RTL9: variants seen among roughly 807,000 people sequenced by gnomAD.
RTL9 encodes the protein retrotransposon Gag-like protein 9.
In RTL9, 19 loss-of-function variants were observed where a neutral mutation model predicts 44.7. That is an observed-to-expected ratio of 0.42 (90% confidence interval 0.30 to 0.62). The LOEUF (loss-of-function observed/expected upper bound fraction) is 0.62. RTL9 is among the 20% of genes least tolerant of loss of function. The pLI, the probability that RTL9 is intolerant of heterozygous loss-of-function variation, is 0.16. For synonymous variants in RTL9, 407 were observed against 398.9 expected, an observed-to-expected ratio of 1.02 and a Z score of -0.24; for missense variants, 1,105 against 1,080.6, an observed-to-expected ratio of 1.02 and a Z score of -0.32.
intron 1 of RTL9, among the ~76,000 whole-genome samples, chrX:110,359,234 C>T (rs1248253036): frequency 9.0e-6 from 1 of 110,859 alleles, no homozygotes; most frequent in Non-Finnish European, 1.9e-5. Context: ...CTGTGTTTAT[C>T]ATCCTTTCTC....
intron 1 of RTL9, among the ~76,000 whole-genome samples, chrX:110,389,249 A>G (rs1000887956): frequency 1.8e-5 from 2 of 113,071 alleles, no homozygotes; most frequent in Admixed American, 1.9e-4. Context: ...CAGAATATTC[A>G]GAATTAGTTG....
chrX:110,379,897 A>G (rs748181784), intron 1 of RTL9, among the ~76,000 whole-genome samples: 2 of 111,551 alleles, frequency 1.8e-5, no homozygotes, highest in Non-Finnish European at 3.8e-5. Flanking sequence ...AGATGTATCT[A>G]TATATATCAT....
chrX:110,419,026 T>C (rs2068698797), upstream of RTL9: 1 of 111,170 alleles, frequency 9.0e-6, no homozygotes, highest in African/African-American at 3.3e-5. Flanking sequence ...TGATTCCTAG[T>C]TGTGGTGGGA....
At chrX:110,424,466 T>G (rs1247021933) in intron 1 of RTL9, among the ~76,000 whole-genome samples, 3 of 111,658 alleles carry the variant, frequency 2.7e-5, no homozygotes, top group Admixed American at 9.5e-5. Flanking sequence ...GCACCCATTC[T>G]ACTTTTCTGC....
intron 1 of RTL9, among the ~76,000 whole-genome samples, chrX:110,412,467 G>T (rs1288903169): frequency 8.9e-6 from 1 of 112,109 alleles, no homozygotes; most frequent in Non-Finnish European, 1.9e-5. Flanking sequence ...GACTGCCTAG[G>T]TTTGACTTCC....
intron 1 of RTL9, among the ~76,000 whole-genome samples, chrX:110,385,399 A>C (rs1311865527): frequency 9.0e-6 from 1 of 111,515 alleles, no homozygotes; most frequent in Non-Finnish European, 1.9e-5. Context: ...TGTACAGTTC[A>C]GTCATTTTTA....
intron 1 of RTL9, among the ~76,000 whole-genome samples, chrX:110,442,247 C>CTCTCTGTGTG (rs1556214261): frequency 4.0e-4 from 39 of 97,040 alleles, no homozygotes; most frequent in African/African-American, 1.5e-3. Flanking sequence ...CTCTCTCTCT[C>CTCTCTGTGTG]TGTGTGTGTG....
chrX:110,450,180 C>T (rs1455683500), upstream of RTL9, among the ~76,000 whole-genome samples: 2 of 111,290 alleles, frequency 1.8e-5, no homozygotes, highest in Admixed American at 9.5e-5. Flanking sequence ...CCCATTCAGG[C>T]TTGCCAGTAC....
intron 1 of RTL9, among the ~76,000 whole-genome samples, chrX:110,444,366 A>G (rs1414126002): frequency 8.9e-6 from 1 of 112,551 alleles, no homozygotes; most frequent in Non-Finnish European, 1.9e-5. Flanking sequence ...TTTTACAGGT[A>G]TATGATCTTA....
chrX:110,452,568 G>A, exon 1 of RTL9: 1 of 1,211,737 alleles, frequency 8.3e-7, no homozygotes, highest in Non-Finnish European at 1.1e-6. Context: ...CACAGTTTCT[G>A]GAGCTCTGTC....
intron 1 of RTL9, among the ~76,000 whole-genome samples, chrX:110,395,370 C>T (rs1445483617): frequency 8.9e-6 from 1 of 112,182 alleles, no homozygotes; most frequent in East Asian, 2.8e-4. Context: ...AGAGGCTAGA[C>T]TGTTTCCTCT....
intron 1 of RTL9, among the ~76,000 whole-genome samples, chrX:110,377,518 C>G (rs1056255023): frequency 2.7e-5 from 3 of 111,870 alleles, no homozygotes; most frequent in Non-Finnish European, 5.6e-5. Context: ...TATTAATTAA[C>G]TTGTAAAAGG....
intron 1 of RTL9, among the ~76,000 whole-genome samples, chrX:110,439,523 C>A (rs941271197): frequency 2.7e-5 from 3 of 112,083 alleles, no homozygotes; most frequent in Non-Finnish European, 5.6e-5. Flanking sequence ...GCTGTGCTCA[C>A]AATAATAGCT....
rs1043249584 is a variant in RTL9 at position 110,405,090 on chromosome X, C to T, written c.-167-40063C>T. Among the ~76,000 whole-genome samples the T allele has an allele frequency of 1.0e-4, 6 of 60,266 alleles. 1 individual carries two copies. In the African/African-American group the frequency reaches 1.0e-3, roughly 10 times the overall value. The allele number at this position is 60,266 out of a possible 115,157, so 52.3% of individuals were successfully genotyped here. A position where few individuals can be genotyped will look rare whatever the true frequency, so the allele number is the denominator to read the frequency against. On this transcript the variant is annotated intron_variant, in intron 1 of 2. Transcript: ENST00000520821. ...TATATTCAGGTGTGCTTGTTGTGTC[C>T]CCCCCCCCCCCAAGCATGAGTCAGA...
exon 1 of RTL9, chrX:110,452,328 A>C (rs769334584): frequency 3.3e-6 from 4 of 1,210,598 alleles, no homozygotes. Flanking sequence ...GAAAGCCATG[A>C]CTTCTGGAGC....
intron 1 of RTL9, among the ~76,000 whole-genome samples, chrX:110,370,804 C>T (rs1270392776): frequency 8.9e-6 from 1 of 112,012 alleles, no homozygotes; most frequent in Non-Finnish European, 1.9e-5. Flanking sequence ...TATAACACAT[C>T]CATAACCAAA....
intron 1 of RTL9, among the ~76,000 whole-genome samples, chrX:110,397,853 A>AC (rs201394052): frequency 0.011 from 1,186 of 111,310 alleles, 10 homozygotes; most frequent in Middle Eastern, 0.023. Context: ...CCTCCCTGCC[A>AC]CCCCCAACTA....
chrX:110,411,175 C>T (rs985999438), intron 1 of RTL9, among the ~76,000 whole-genome samples: 6 of 111,815 alleles, frequency 5.4e-5, no homozygotes, highest in Admixed American at 9.5e-5. Flanking sequence ...TGAACCTTGG[C>T]GTGGGTCAGG....
intron 1 of RTL9, among the ~76,000 whole-genome samples, chrX:110,370,940 C>T (rs1452655090): frequency 2.7e-5 from 3 of 111,865 alleles, no homozygotes; most frequent in Non-Finnish European, 3.8e-5. Flanking sequence ...CACTTTTGTC[C>T]TCCCCATAGG....
Sources: gnomAD v4.1 joint callset for allele counts (sites outside exome capture counted in the v4.1 genomes callset) on GRCh38, gnomAD v4.1.1 for gene constraint, MANE v1.5 for transcripts, NCBI Gene and HGNC (gene_info 2026-07-23, HGNC 2026-07-21) for gene names.